Variants in PI4K2B observed in about 807,000 individuals in gnomAD.
PI4K2B encodes phosphatidylinositol 4-kinase type 2 beta.
A neutral mutation model predicts 56.6 loss-of-function variants in PI4K2B; 46 were observed. The observed-to-expected ratio is 0.81, with a 90% confidence interval of 0.64 to 1.04. The LOEUF is 1.04. Among genes scored for constraint, PI4K2B ranks in the 50% least tolerant of loss-of-function variants. PI4K2B has a pLI of 0.00. For missense variants in PI4K2B, 556 were observed against 607.7 expected, an observed-to-expected ratio of 0.91 and a Z score of 0.89; for synonymous variants, 211 against 223.8, an observed-to-expected ratio of 0.94 and a Z score of 0.51.
At chr4:25,270,996 AC>A (rs927008543) in intron 9 of PI4K2B, among the ~76,000 whole-genome samples, 1 of 152,202 alleles carries the variant, frequency 6.6e-6, no homozygotes, top group Non-Finnish European at 1.5e-5. Flanking sequence ...GCAACTAGTC[AC>A]TGGAGATAAA....
intron 9 of PI4K2B, among the ~76,000 whole-genome samples, chr4:25,274,532 C>T (rs1195309725): frequency 6.6e-6 from 1 of 152,176 alleles, no homozygotes; most frequent in Non-Finnish European, 1.5e-5. Context: ...CCATCACACA[C>T]AAGTATTGCA....
intron 1 of PI4K2B, among the ~76,000 whole-genome samples, chr4:25,236,108 C>T (rs1715249381): frequency 1.3e-5 from 2 of 151,986 alleles, no homozygotes; most frequent in South Asian, 4.1e-4. Context: ...ACCTGTATCA[C>T]AGTTTACAAT....
chr4:25,265,837 C>A (rs1269077964), intron 7 of PI4K2B, among the ~76,000 whole-genome samples: 2 of 152,154 alleles, frequency 1.3e-5, no homozygotes, highest in African/African-American at 4.8e-5. Flanking sequence ...AAAATTCTGT[C>A]TGCTAACCTG....
At chr4:25,266,944 A>C (rs1716682626) in intron 7 of PI4K2B, among the ~76,000 whole-genome samples, 1 of 151,436 alleles carries the variant, frequency 6.6e-6, no homozygotes, top group African/African-American at 2.4e-5. Flanking sequence ...AGAGAAGAGA[A>C]AGGACTAAGT....
chr4:25,264,934 G>T (rs562301518), intron 7 of PI4K2B, among the ~76,000 whole-genome samples: 3 of 151,076 alleles, frequency 2.0e-5, no homozygotes, highest in Middle Eastern at 3.4e-3. Flanking sequence ...AGTGGCTCAC[G>T]CCTGTAATCC....
intron 1 of PI4K2B, among the ~76,000 whole-genome samples, chr4:25,235,577 G>A (rs532960131): frequency 1.3e-5 from 2 of 152,288 alleles, no homozygotes; most frequent in South Asian, 4.2e-4. Context: ...GTCTGCTCCC[G>A]TTATAATGTT....
At chr4:25,255,288 C>T (rs370194199) in intron 3 of PI4K2B, 23 bp downstream of exon 3, 9 of 1,582,100 alleles carry the variant, frequency 5.7e-6, no homozygotes, top group Non-Finnish European at 7.8e-6. Flanking sequence ...TTATTTTTAA[C>T]CATGGACTTT....
intron 9 of PI4K2B, among the ~76,000 whole-genome samples, chr4:25,271,493 T>C (rs1394802309): frequency 6.6e-6 from 1 of 152,172 alleles, no homozygotes. Context: ...ATTTGCTTAG[T>C]AGACGAGGAG....
chr4:25,273,964 G>A (rs1366686200), intron 9 of PI4K2B, among the ~76,000 whole-genome samples: 2 of 152,106 alleles, frequency 1.3e-5, no homozygotes, highest in Non-Finnish European at 2.9e-5. Context: ...TTGCGCACGC[G>A]ATTCTTTCCC....
chr4:25,270,816 T>C (rs970341100), intron 9 of PI4K2B, among the ~76,000 whole-genome samples: 1 of 152,238 alleles, frequency 6.6e-6, no homozygotes, highest in Non-Finnish European at 1.5e-5. Context: ...AAATAAATTA[T>C]ACTGTAAACA....
chr4:25,262,756 A>C (rs932725708), intron 6 of PI4K2B, among the ~76,000 whole-genome samples: 10 of 152,218 alleles, frequency 6.6e-5, no homozygotes, highest in African/African-American at 2.4e-4. Context: ...AGATATTCAC[A>C]ATAATTACCT....
intron 6 of PI4K2B, among the ~76,000 whole-genome samples, chr4:25,262,352 AAAATT>A (rs1359530337): frequency 6.6e-6 from 1 of 152,130 alleles, no homozygotes; most frequent in Non-Finnish European, 1.5e-5. Context: ...AAAAAATAAA[AAAATT>A]AAAGATAATT....
At chr4:25,239,181 C>T (rs953720459) in intron 1 of PI4K2B, among the ~76,000 whole-genome samples, 2 of 151,862 alleles carry the variant, frequency 1.3e-5, no homozygotes, top group African/African-American at 4.8e-5. Context: ...TGGCTTCACC[C>T]AGTGGATCCC....
Position 25,234,375 on chromosome 4 carries a change from T to TG in PI4K2B, c.217dup (p.Val73GlyfsTer31), listed in dbSNP as rs1268678064. The TG allele has an allele frequency of 4.3e-6, 6 of 1,403,404 alleles. No individual in the cohort carries two copies. Among genetic ancestry groups the TG allele is most frequent in the Non-Finnish European group, 5.6e-6 (6 of 1,077,606 alleles). 86.9% of individuals were successfully genotyped at this position (1,403,404 alleles called of 1,614,324 possible). On this transcript the variant is annotated frameshift_variant, in exon 1 of 10. Coordinates refer to ENST00000264864, the MANE Select transcript of PI4K2B (RefSeq NM_018323.4). LOFTEE classifies it high-confidence loss of function. ...GAGCTGCCCCTCCCGCCCGGGGACG[T>TG]GGGGGTCTCCCGGAGTTCGTCCGCC...
intron 7 of PI4K2B, among the ~76,000 whole-genome samples, chr4:25,266,335 C>A (rs6842682): frequency 2.6e-5 from 4 of 152,122 alleles, no homozygotes; most frequent in African/African-American, 9.7e-5. Context: ...CTCAGCTAAT[C>A]TACTTTTATT....
chr4:25,250,090 G>A lies in PI4K2B; in HGVS notation c.269-2231G>A, dbSNP rs538280900. ...GAAAACCAGTCAGGCGTGGCAGCGC[G>A]CGCCTGCAATCCCAGGCACTTGGCA... On this transcript the variant is annotated intron_variant, in intron 1 of 9. Coordinates refer to ENST00000264864, the MANE Select transcript of PI4K2B (RefSeq NM_018323.4). Among the ~76,000 whole-genome samples, 356 of 152,280 alleles carry A rather than the reference G, an allele frequency of 2.3e-3. 2 individuals carry two copies. The highest frequency in any genetic ancestry group is 8.1e-3 in the African/African-American group (338 of 41,556).
chr4:25,267,953 A>T, intron 7 of PI4K2B: 1 of 657,042 alleles, frequency 1.5e-6, no homozygotes, highest in Non-Finnish European at 1.9e-6. Context: ...GGGTGCGGTG[A>T]TATGCATCTG....
intron 1 of PI4K2B, among the ~76,000 whole-genome samples, chr4:25,244,430 A>T (rs1282131781): frequency 1.3e-5 from 2 of 152,202 alleles, no homozygotes; most frequent in Non-Finnish European, 2.9e-5. Flanking sequence ...GAAAGCTTGG[A>T]CATAAGGTAT....
chr4:25,249,119 C>T (rs191513706), intron 1 of PI4K2B, among the ~76,000 whole-genome samples: 1,738 of 152,210 alleles, frequency 0.011, 26 homozygotes, highest in African/African-American at 0.039. Flanking sequence ...CAGAGAGCGC[C>T]GGGTTGGGGG....
Sources: gnomAD v4.1 joint callset for allele counts (sites outside exome capture counted in the v4.1 genomes callset) on GRCh38, gnomAD v4.1.1 for gene constraint, MANE v1.5 for transcripts, NCBI Gene and HGNC (gene_info 2026-07-23, HGNC 2026-07-21) for gene names.